Variants in LHFPL3 observed in about 807,000 individuals in gnomAD.
LHFPL3 encodes LHFPL tetraspan subfamily member 3.
A neutral mutation model predicts 19.3 loss-of-function variants in LHFPL3; 5 were observed. That is an observed-to-expected ratio of 0.26 (90% CI 0.14 to 0.54). The LOEUF (loss-of-function observed/expected upper bound fraction) is 0.54. Among genes scored for constraint, LHFPL3 ranks in the 20% least tolerant of loss-of-function variants. The probability of loss-of-function intolerance (pLI) is 0.94; values close to 1 mark genes in which losing one functional copy is unlikely to be tolerated. For missense variants in LHFPL3, 249 were observed against 307.4 expected (o/e 0.81, Z 1.42); for synonymous variants, 133 against 126.2 (o/e 1.05, Z -0.36).
chr7:104,479,662 G>T (rs1793093352), intron 1 of LHFPL3, among the ~76,000 whole-genome samples: 1 of 152,166 alleles, frequency 6.6e-6, no homozygotes, highest in Non-Finnish European at 1.5e-5. Flanking sequence ...AAAGTACTGG[G>T]ATTACAGGCA....
At chr7:104,902,438 A>G (rs1226352980) in intron 2 of LHFPL3, among the ~76,000 whole-genome samples, 5 of 150,188 alleles carry the variant, frequency 3.3e-5, no homozygotes, top group Non-Finnish European at 7.4e-5. Flanking sequence ...GAGGAGGAGG[A>G]GGGGGAGGAG....
intron 2 of LHFPL3, among the ~76,000 whole-genome samples, chr7:104,741,234 G>C (rs182901666): frequency 1.3e-5 from 2 of 151,846 alleles, no homozygotes; most frequent in Non-Finnish European, 2.9e-5. Context: ...TCCTTTCCAC[G>C]AGATCATTTG....
At chr7:104,691,235 T>C (rs372709123) in intron 1 of LHFPL3, among the ~76,000 whole-genome samples, 1 of 152,166 alleles carries the variant, frequency 6.6e-6, no homozygotes, top group African/African-American at 2.4e-5. Context: ...ACAAACGTAA[T>C]TGGGCTTAAG....
chr7:104,460,769 A>G (rs998201136), intron 1 of LHFPL3, among the ~76,000 whole-genome samples: 2 of 152,164 alleles, frequency 1.3e-5, no homozygotes, highest in African/African-American at 4.8e-5. Flanking sequence ...ATAGTTTGCA[A>G]AAATTTTCTT....
At chr7:104,837,896 T>C (rs1299001417) in intron 2 of LHFPL3, among the ~76,000 whole-genome samples, 1 of 152,232 alleles carries the variant, frequency 6.6e-6, no homozygotes, top group Non-Finnish European at 1.5e-5. Context: ...CAATAAGTGA[T>C]TCTTGAACGA....
intron 1 of LHFPL3, among the ~76,000 whole-genome samples, chr7:104,570,805 AAC>A (rs1790217651): frequency 6.6e-6 from 1 of 152,188 alleles, no homozygotes; most frequent in African/African-American, 2.4e-5. Flanking sequence ...CCCAGTACCC[AAC>A]AGTTATCTTT....
intron 1 of LHFPL3, among the ~76,000 whole-genome samples, chr7:104,714,162 T>C (rs1410555859): frequency 6.6e-6 from 1 of 152,236 alleles, no homozygotes; most frequent in Non-Finnish European, 1.5e-5. Context: ...GAACACTTAG[T>C]ACACTGACTT....
rs143138287 is a variant in LHFPL3, at chr7:104,712,953, A to G, written c.446-23722A>G. ...TAAAAATCAAATCCCTGTAAAGAAT[A>G]CAAACCATAGCTTGAAGAGGCAGAG... is the stretch of plus-strand genomic sequence containing the variant. On this transcript the variant is annotated intron_variant, in intron 1 of 2. Transcript: ENST00000424859. Among the ~76,000 whole-genome samples, 3 of 152,366 alleles carry G rather than the reference A, an allele frequency of 2.0e-5. No homozygotes were observed. The East Asian group carries it at 5.8e-4, about 29-fold the overall frequency.
intron 1 of LHFPL3, among the ~76,000 whole-genome samples, chr7:104,532,407 T>C (rs979697371): frequency 7.1e-6 from 1 of 140,510 alleles, no homozygotes; most frequent in Non-Finnish European, 1.5e-5. Context: ...ATGATCCTCC[T>C]AACTTGGCTT....
intron 2 of LHFPL3, among the ~76,000 whole-genome samples, chr7:104,816,423 A>G (rs1214919223): frequency 1.3e-5 from 2 of 152,204 alleles, no homozygotes. Context: ...GGATGCATTT[A>G]CCAAAGATAA....
At chr7:104,460,537 C>T (rs1385307895) in intron 1 of LHFPL3, among the ~76,000 whole-genome samples, 2 of 152,076 alleles carry the variant, frequency 1.3e-5, no homozygotes, top group Non-Finnish European at 2.9e-5. Context: ...TTAATTATAG[C>T]CATTCTGACT....
At chr7:104,532,628 C>T (rs1193303489) in intron 1 of LHFPL3, among the ~76,000 whole-genome samples, 3 of 152,260 alleles carry the variant, frequency 2.0e-5, no homozygotes, top group Non-Finnish European at 2.9e-5. Flanking sequence ...CATCTTCCTA[C>T]ACCTCATTAC....
intron 1 of LHFPL3, among the ~76,000 whole-genome samples, chr7:104,575,286 C>G (rs1790304465): frequency 6.6e-6 from 1 of 152,274 alleles, no homozygotes; most frequent in South Asian, 2.1e-4. Context: ...GTACCATTTT[C>G]TCATCTCCCT....
intron 1 of LHFPL3, among the ~76,000 whole-genome samples, chr7:104,478,531 C>G (rs931392729): frequency 6.6e-6 from 1 of 152,156 alleles, no homozygotes; most frequent in Non-Finnish European, 1.5e-5. Context: ...GGGGAACAAG[C>G]AAAGCCTTGA....
intron 1 of LHFPL3, among the ~76,000 whole-genome samples, chr7:104,635,336 G>A (rs1791710898): frequency 6.6e-6 from 1 of 152,086 alleles, no homozygotes; most frequent in Non-Finnish European, 1.5e-5. Flanking sequence ...AGGCTTCCAA[G>A]TACTCAACAC....
intron 1 of LHFPL3, among the ~76,000 whole-genome samples, chr7:104,504,981 A>G (rs41036): frequency 0.14 from 21,095 of 152,138 alleles, 1,566 homozygotes; most frequent in East Asian, 0.21. Flanking sequence ...TTGTGTATAC[A>G]TATATGTGTA....
chr7:104,464,346 A>T (rs1792734680), intron 1 of LHFPL3, among the ~76,000 whole-genome samples: 4 of 152,148 alleles, frequency 2.6e-5, no homozygotes, highest in Admixed American at 2.6e-4. Context: ...TCATGGTGCA[A>T]GCTGTTGGTG....
At chr7:104,615,973 C>T (rs1791328042) in intron 1 of LHFPL3, among the ~76,000 whole-genome samples, 1 of 151,958 alleles carries the variant, frequency 6.6e-6, no homozygotes, top group South Asian at 2.1e-4. Context: ...AACCACTGCT[C>T]AAGGAAATAA....
At chr7:104,704,828 G>A (rs1179763992) in intron 1 of LHFPL3, among the ~76,000 whole-genome samples, 1 of 151,960 alleles carries the variant, frequency 6.6e-6, no homozygotes, top group Non-Finnish European at 1.5e-5. Context: ...TAGCAACAGG[G>A]TCTCACTTTG....
Sources: allele counts gnomAD v4.1 joint callset (sites outside exome capture counted in the v4.1 genomes callset), GRCh38; gene constraint gnomAD v4.1.1; transcripts MANE v1.5; gene names NCBI Gene and HGNC (gene_info 2026-07-23, HGNC 2026-07-21).